Variants in HYCC1 observed in about 807,000 individuals in gnomAD.
HYCC1 encodes hyccin.
At chr7:22,999,721 C>T in the HYCC1 span, among the ~76,000 whole-genome samples, 1 of 152,150 alleles carries the variant, frequency 6.6e-6, no homozygotes, top group East Asian at 1.9e-4. Flanking sequence ...AATAATTCAG[C>T]AAGCCCTTGA....
chr7:22,899,215 T>G, the HYCC1 span, among the ~76,000 whole-genome samples: 1 of 152,050 alleles, frequency 6.6e-6, no homozygotes, highest in Non-Finnish European at 1.5e-5. Context: ...TCCTGCACAA[T>G]CAATGATTTT....
chr7:22,911,364 C>T, the HYCC1 span, among the ~76,000 whole-genome samples: 2 of 152,200 alleles, frequency 1.3e-5, no homozygotes, highest in Non-Finnish European at 2.9e-5. Context: ...TAATCAGTCT[C>T]ACTGTTTTAG....
At chr7:22,982,924 T>C in the HYCC1 span, among the ~76,000 whole-genome samples, 1 of 152,198 alleles carries the variant, frequency 6.6e-6, no homozygotes, top group African/African-American at 2.4e-5. Flanking sequence ...CCAAATGCCA[T>C]ACCTTTTTAC....
At chr7:22,896,987 AG>A in the HYCC1 span, among the ~76,000 whole-genome samples, 54,761 of 151,950 alleles carry the variant, frequency 0.36, 10,124 homozygotes, top group Non-Finnish European at 0.41. Context: ...AAAGTGTAAG[AG>A]GGAGGCAAAG....
At chr7:22,930,192 T>G in the HYCC1 span, among the ~76,000 whole-genome samples, 2 of 42,806 alleles carry the variant, frequency 4.7e-5, no homozygotes, top group Non-Finnish European at 4.1e-5. Flanking sequence ...GGGACTGTTG[T>G]GGGGTGGGGG....
the HYCC1 span, among the ~76,000 whole-genome samples, chr7:23,010,867 CTTT>C: frequency 6.6e-6 from 1 of 152,154 alleles, no homozygotes; most frequent in Admixed American, 6.5e-5. Flanking sequence ...TTTCTCCCTT[CTTT>C]ATTTCAGTTC....
At chr7:22,954,384 T>C in the HYCC1 span, among the ~76,000 whole-genome samples, 2 of 151,184 alleles carry the variant, frequency 1.3e-5, no homozygotes, top group African/African-American at 2.4e-5. Context: ...TGTTTTCCGA[T>C]ATGAATTGCA....
chr7:23,007,253 GAA>G, the HYCC1 span, among the ~76,000 whole-genome samples: 1 of 152,140 alleles, frequency 6.6e-6, no homozygotes, highest in Non-Finnish European at 1.5e-5. Flanking sequence ...ATGGGGTGAA[GAA>G]AGAGTCCTAA....
chr7:22,926,542 G>C, the HYCC1 span, among the ~76,000 whole-genome samples: 1 of 152,120 alleles, frequency 6.6e-6, no homozygotes, highest in African/African-American at 2.4e-5. Context: ...CCTAGTCTCA[G>C]ATAAAACAGA....
At chr7:22,949,922 C>T in the HYCC1 span, among the ~76,000 whole-genome samples, 2 of 151,978 alleles carry the variant, frequency 1.3e-5, no homozygotes, top group South Asian at 4.1e-4. Context: ...ATTTTTTAAA[C>T]TGCTTATTAA....
chr7:22,963,917 T>C, the HYCC1 span, among the ~76,000 whole-genome samples: 1 of 152,138 alleles, frequency 6.6e-6, no homozygotes, highest in Non-Finnish European at 1.5e-5. Flanking sequence ...AAGTAAAAGA[T>C]AGGGTTCAAA....
chr7:22,928,618 C>A, the HYCC1 span, among the ~76,000 whole-genome samples: 1 of 152,064 alleles, frequency 6.6e-6, no homozygotes, highest in Non-Finnish European at 1.5e-5. Context: ...ACCTAGGAAT[C>A]CAACTTACAA....
At chr7:22,978,588 C>A in the HYCC1 span, 1 of 719,234 alleles carries the variant, frequency 1.4e-6, no homozygotes, top group Non-Finnish European at 2.3e-6. Flanking sequence ...TAGGGAGTTT[C>A]TTCCTAAAAT....
the HYCC1 span, among the ~76,000 whole-genome samples, chr7:22,983,244 G>A: frequency 4.6e-5 from 7 of 151,106 alleles, no homozygotes; most frequent in African/African-American, 9.8e-5. Flanking sequence ...TGGGAGGATC[G>A]CTTGAACCTG....
At chr7:22,997,005 G>C in the HYCC1 span, among the ~76,000 whole-genome samples, 3 of 152,052 alleles carry the variant, frequency 2.0e-5, no homozygotes, top group Admixed American at 2.0e-4. Flanking sequence ...ACATGTTCCG[G>C]AGCAGAATAT....
chr7:22,963,103 A>G, the HYCC1 span, among the ~76,000 whole-genome samples: 4 of 152,294 alleles, frequency 2.6e-5, no homozygotes, highest in South Asian at 8.3e-4. Context: ...GTCATAAATA[A>G]TATTTACCTC....
chr7:22,995,248 C>A, the HYCC1 span, among the ~76,000 whole-genome samples: 1 of 152,046 alleles, frequency 6.6e-6, no homozygotes. Flanking sequence ...TCAATCAATC[C>A]ACCCCACGCC....
chr7:22,907,104 C>CA, the HYCC1 span, among the ~76,000 whole-genome samples: 1,126 of 43,496 alleles, frequency 0.026, 163 homozygotes, highest in Non-Finnish European at 0.034. Context: ...GACTCTATCT[C>CA]AAAAAAAAAA....
the HYCC1 span, among the ~76,000 whole-genome samples, chr7:22,996,746 C>G: frequency 2.0e-5 from 3 of 151,998 alleles, no homozygotes; most frequent in Non-Finnish European, 4.4e-5. Flanking sequence ...TTCTCTCTAC[C>G]AGCAAGCAGC....
Sources: gnomAD v4.1 joint callset for allele counts (sites outside exome capture counted in the v4.1 genomes callset) on GRCh38, gnomAD v4.1.1 for gene constraint, MANE v1.5 for transcripts, NCBI Gene and HGNC (gene_info 2026-07-23, HGNC 2026-07-21) for gene names.